The following IFT140 variants were observed in gnomAD, a reference collection of about 807,000 sequenced individuals.
IFT140 encodes intraflagellar transport protein 140 homolog.
A neutral mutation model predicts 164.6 loss-of-function variants in IFT140; 133 were observed. The observed-to-expected ratio is 0.81, with a 90% CI of 0.70 to 0.93. The LOEUF (loss-of-function observed/expected upper bound fraction) is 0.93. Among genes scored for constraint, IFT140 ranks in the 40% least tolerant of loss-of-function variants. The pLI is 0.00. For missense variants in IFT140, 2,045 were observed against 1,972.3 expected, an observed-to-expected ratio of 1.04 and a Z score of -0.70; for synonymous variants, 860 against 817.3, an observed-to-expected ratio of 1.05 and a Z score of -0.89.
chr16:1,553,226 A>G lies in IFT140; in HGVS notation c.2399+4709T>C, dbSNP rs2032817170. On this transcript the variant is annotated intron_variant, in intron 19 of 30. Transcript: ENST00000426508. The surrounding 1 kb of genome is among the most constrained non-coding windows in gnomAD (Gnocchi z 4.4). ...TCTGTCTCTGTCTCTCTCTGTCTCC[A>G]TCTGTCTCTGTGTCTGTCTCTGTCT... is the stretch of plus-strand genomic sequence containing the variant. The G allele has an allele frequency of 2.0e-6, 2 of 976,066 alleles. No individual in the cohort carries two copies. Among genetic ancestry groups the G allele is most frequent in the Non-Finnish European group, 2.4e-6 (2 of 823,008 alleles). 60.5% of individuals were successfully genotyped at this position (976,066 alleles called of 1,614,324 possible). A position where few individuals can be genotyped will look rare whatever the true frequency, so the allele number is the denominator to read the frequency against.
chr16:1,588,583 G>A (rs369307101), intron 7 of IFT140, among the ~76,000 whole-genome samples: 9 of 146,066 alleles, frequency 6.2e-5, no homozygotes, highest in African/African-American at 1.8e-4. Context: ...GGTGTGGGCA[G>A]GTGGCCATCG....
At chr16:1,569,756 A>AGT (rs2033923676) in intron 14 of IFT140, among the ~76,000 whole-genome samples, 1 of 140,370 alleles carries the variant, frequency 7.1e-6, no homozygotes. Flanking sequence ...ATGCCTGGCT[A>AGT]ATTTTTTTTT....
chr16:1,543,178 G>T (rs767054357), intron 19 of IFT140, among the ~76,000 whole-genome samples: 26 of 152,260 alleles, frequency 1.7e-4, no homozygotes, highest in Non-Finnish European at 2.6e-4. Flanking sequence ...TGACCAGCAC[G>T]GAGCTGCCCG....
chr16:1,585,607 G>A (rs1273371743), intron 10 of IFT140, among the ~76,000 whole-genome samples: 1 of 151,882 alleles, frequency 6.6e-6, no homozygotes, highest in East Asian at 1.9e-4. Context: ...TGGGTTCGTG[G>A]GTAGATACAT....
chr16:1,540,085 G>A (rs1035500623), intron 19 of IFT140, among the ~76,000 whole-genome samples: 4 of 152,204 alleles, frequency 2.6e-5, no homozygotes, highest in Non-Finnish European at 4.4e-5. Context: ...CCTCAGTGGC[G>A]AGGAGCAGTG....
At chr16:1,527,085 T>A (rs1457478493) in intron 19 of IFT140, 1 of 444,600 alleles carries the variant, frequency 2.2e-6, no homozygotes, top group East Asian at 3.4e-5. Flanking sequence ...TTTTCCCTGC[T>A]CTAAGCGGCT....
At chr16:1,557,912 A>C (rs1475098052) in intron 19 of IFT140, 23 bp downstream of exon 19, 1 of 1,608,462 alleles carries the variant, frequency 6.2e-7, no homozygotes, top group African/African-American at 1.3e-5. Flanking sequence ...ATCTCCCAAC[A>C]TCCCAGTGGT....
At chr16:1,587,438 C>T (rs111448905) in intron 8 of IFT140, 134 bp from the exon 9 acceptor site, 98 of 641,266 alleles carry the variant, frequency 1.5e-4, no homozygotes, top group African/African-American at 1.3e-3. Flanking sequence ...GATATGAAAA[C>T]GAACACTGCT....
At chr16:1,595,982 G>A (rs2035444572) in intron 4 of IFT140, among the ~76,000 whole-genome samples, 1 of 151,534 alleles carries the variant, frequency 6.6e-6, no homozygotes, top group South Asian at 2.1e-4. Context: ...CTTGAACCCA[G>A]GAGGCAGAGC....
chr16:1,519,319 G>A (rs1196999772), intron 29 of IFT140, among the ~76,000 whole-genome samples: 5 of 152,208 alleles, frequency 3.3e-5, no homozygotes, highest in African/African-American at 7.2e-5. Flanking sequence ...AGTGCCCACC[G>A]TGGTGGCCAC....
intron 4 of IFT140, among the ~76,000 whole-genome samples, chr16:1,598,319 G>T (rs537783069): frequency 6.6e-6 from 1 of 152,098 alleles, no homozygotes; most frequent in East Asian, 1.9e-4. Context: ...TTAGCCAGGC[G>T]TGGTGGCGGG....
At chr16:1,512,139 C>T (rs1216076801) in intron 30 of IFT140, among the ~76,000 whole-genome samples, 38 of 118,252 alleles carry the variant, frequency 3.2e-4, no homozygotes, top group African/African-American at 7.6e-4. Flanking sequence ...GCAGGACAGG[C>T]GGCATAGGTG....
At chr16:1,563,234 C>T (rs1424423626) in intron 17 of IFT140, among the ~76,000 whole-genome samples, 5 of 151,988 alleles carry the variant, frequency 3.3e-5, no homozygotes, top group Admixed American at 6.5e-5. Flanking sequence ...TCCCGCTCAG[C>T]GCCTGAGAAC....
chr16:1,544,801 A>G (rs1445259411), intron 19 of IFT140, among the ~76,000 whole-genome samples: 2 of 150,192 alleles, frequency 1.3e-5, no homozygotes, highest in African/African-American at 5.0e-5. Context: ...GGCACCCGCC[A>G]CCACGCCTGG....
intron 7 of IFT140, among the ~76,000 whole-genome samples, chr16:1,589,070 G>C (rs2035044647): frequency 6.6e-6 from 1 of 152,220 alleles, no homozygotes; most frequent in African/African-American, 2.4e-5. Flanking sequence ...CCTGGGACGA[G>C]GTCCCTGTGA....
chr16:1,543,931 T>C (rs530460134), intron 19 of IFT140, among the ~76,000 whole-genome samples: 1 of 152,332 alleles, frequency 6.6e-6, no homozygotes, highest in Admixed American at 6.5e-5. Flanking sequence ...AATAAAGATA[T>C]TTTAGCGGCA....
intron 13 of IFT140, among the ~76,000 whole-genome samples, chr16:1,572,455 G>C (rs1163115092): frequency 6.6e-6 from 1 of 152,128 alleles, no homozygotes; most frequent in Non-Finnish European, 1.5e-5. Context: ...GACCATCCAG[G>C]CTAACACGGT....
rs761503137 is a variant in IFT140, at chr16:1,520,057, T to G, written c.3874-10A>C. ...ATTCATCAATCTCCACCTGTACAGA[T>G]GAAACCCGTCAAGACCTGCCGGGCT... On this transcript the variant is annotated splice_polypyrimidine_tract_variant and intron_variant, in intron 28 of 30. Coordinates refer to ENST00000426508, the MANE Select transcript of IFT140 (RefSeq NM_014714.4). The G allele has an allele frequency of 4.5e-5, 72 of 1,605,618 alleles. 1 individual carries two copies. The South Asian group carries it at 5.2e-4, about 12-fold the overall frequency.
intron 19 of IFT140, among the ~76,000 whole-genome samples, chr16:1,539,287 C>T (rs1015853287): frequency 4.6e-4 from 70 of 151,530 alleles, no homozygotes; most frequent in Non-Finnish European, 6.5e-4. Context: ...CTCACCAAGC[C>T]GCACAGTGCC....
Sources: gnomAD v4.1 joint callset for allele counts (sites outside exome capture counted in the v4.1 genomes callset) on GRCh38, gnomAD v4.1.1 for gene constraint, Gnocchi (gnomAD v3.1) non-coding constraint, MANE v1.5 for transcripts, NCBI Gene and HGNC (gene_info 2026-07-23, HGNC 2026-07-21) for gene names.